The following SCN10A variants were observed in gnomAD, a reference collection of about 807,000 sequenced individuals.
SCN10A encodes sodium channel protein type 10 subunit alpha.
Under a neutral mutation model 170.7 loss-of-function variants are expected in SCN10A, and 162 were observed. That is an observed-to-expected ratio of 0.95 (90% CI 0.84 to 1.08). SCN10A has a LOEUF of 1.08. SCN10A is among the 50% of genes least tolerant of loss of function. SCN10A has a pLI of 0.00. For synonymous variants in SCN10A, 985 were observed against 904.6 expected, an observed-to-expected ratio of 1.09 and a Z score of -1.59; for missense variants, 2,527 against 2,436.9, an observed-to-expected ratio of 1.04 and a Z score of -0.78.
intron 4 of SCN10A, among the ~76,000 whole-genome samples, chr3:38,776,442 C>A (rs2064076184): frequency 6.6e-6 from 1 of 151,948 alleles, no homozygotes; most frequent in Admixed American, 6.6e-5. Context: ...ATGGCAAATG[C>A]AAGTCTGACA....
At chr3:38,804,743 A>G (rs2064395010) in intron 1 of SCN10A, among the ~76,000 whole-genome samples, 1 of 152,172 alleles carries the variant, frequency 6.6e-6, no homozygotes, top group Non-Finnish European at 1.5e-5. Flanking sequence ...CTTATGTTCA[A>G]TAACAACTTA....
intron 27 of SCN10A, among the ~76,000 whole-genome samples, chr3:38,701,614 A>G (rs1490917477): frequency 3.3e-5 from 5 of 152,344 alleles, no homozygotes; most frequent in African/African-American, 9.6e-5. Context: ...GCCTGAAAAC[A>G]CTTCGTGTGA....
At chr3:38,773,674 A>T (rs2064036809) in intron 4 of SCN10A, among the ~76,000 whole-genome samples, 3 of 152,254 alleles carry the variant, frequency 2.0e-5, no homozygotes, top group Admixed American at 1.3e-4. Flanking sequence ...AATATAGTCA[A>T]AGTACACTGC....
intron 1 of SCN10A, among the ~76,000 whole-genome samples, chr3:38,799,071 T>G (rs530797911): frequency 1.3e-5 from 2 of 152,292 alleles, no homozygotes; most frequent in South Asian, 2.1e-4. Flanking sequence ...CATGAGCCAC[T>G]GTGCCCAGCC....
chr3:38,764,831 A>G (rs1559452581), intron 5 of SCN10A, among the ~76,000 whole-genome samples: 2 of 152,224 alleles, frequency 1.3e-5, no homozygotes, highest in Non-Finnish European at 2.9e-5. Context: ...CATTCCCACC[A>G]GCAGTGTAAA....
chr3:38,721,093 C>T (rs1439408222), intron 20 of SCN10A, among the ~76,000 whole-genome samples: 2 of 152,212 alleles, frequency 1.3e-5, no homozygotes, highest in African/African-American at 4.8e-5. Flanking sequence ...TAGTTTTCCT[C>T]CCACCTCTCA....
chr3:38,793,267 T>A (rs998324947), intron 2 of SCN10A, among the ~76,000 whole-genome samples: 1 of 152,146 alleles, frequency 6.6e-6, no homozygotes, highest in Non-Finnish European at 1.5e-5. Flanking sequence ...ATCCAAGTAT[T>A]GTTATACAAT....
chr3:38,723,217 G>A (rs1467081930), intron 19 of SCN10A, among the ~76,000 whole-genome samples: 3 of 152,152 alleles, frequency 2.0e-5, no homozygotes, highest in Non-Finnish European at 4.4e-5. Context: ...ACGTCTCTCC[G>A]TAGTGTCTGA....
intron 8 of SCN10A, 33 bp from the exon 9 acceptor site, chr3:38,757,192 T>A: frequency 6.4e-7 from 1 of 1,559,114 alleles, no homozygotes. Flanking sequence ...CATCCCCTGC[T>A]TATTGCAGAC....
chr3:38,752,629 G>C (rs2063762039), intron 11 of SCN10A, 117 bp from the exon 12 acceptor site: 3 of 782,508 alleles, frequency 3.8e-6, no homozygotes, highest in Non-Finnish European at 5.7e-6. Context: ...TGACCTTTCA[G>C]TCACTAAGTA....
chr3:38,722,380 C>T lies in SCN10A; in HGVS notation c.3385G>A (p.Asp1129Asn). 1 of 1,614,050 alleles carries T rather than the reference C, an allele frequency of 6.2e-7. No homozygotes were observed. The highest frequency in any genetic ancestry group is 8.5e-7 in the Non-Finnish European group (1 of 1,179,996). The change falls in exon 20 of 28, where the codon GAT (aspartate) becomes AAT (asparagine). Residue 1129 changes from aspartate (D) to asparagine (N), a missense_variant. Coordinates refer to ENST00000449082, the MANE Select transcript of SCN10A (RefSeq NM_006514.4). The stretch of plus-strand genomic sequence containing the variant: ...ACATCCCATGGACTCTTGGTGGTAT[C>T]CAGTTTGCAGCAGGGACAGTGGCGA... ...CIRHCPCCKL[D>N]TTKSPWDVGW... is the part of the protein sequence containing the mutation.
chr3:38,706,771 A>G (rs539249630), intron 26 of SCN10A, among the ~76,000 whole-genome samples: 29 of 152,296 alleles, frequency 1.9e-4, no homozygotes, highest in African/African-American at 7.0e-4. Context: ...CTCGAGTGGG[A>G]TAACTTTTGG....
At position 38,763,565 on chromosome 3, in the gene SCN10A, T is replaced by C; in HGVS notation, c.631A>G (p.Ile211Val). ...ACTCTGAATGTCCGCAGGCCTGAGA[T>C]CCCACGGAGATCTATTGCTGTGCCA... ...YVGTAIDLRG[I>V]SGLRTFRVLR... Residue 211 changes from isoleucine (I) to valine (V), a missense_variant, in exon 6 of 28, where the codon ATC (isoleucine) becomes GTC (valine). By Grantham distance (29) the Ile-to-Val change is conservative (BLOSUM62 3). Transcript: ENST00000449082. 3.1e-6 allele frequency: 5 copies of C among 1,614,098 alleles called. No individual in the cohort carries two copies. Among genetic ancestry groups the C allele is most frequent in the Non-Finnish European group, 4.2e-6 (5 of 1,179,958 alleles).
chr3:38,767,150 G>C (rs1419261147), intron 5 of SCN10A, among the ~76,000 whole-genome samples: 1 of 151,588 alleles, frequency 6.6e-6, no homozygotes, highest in Non-Finnish European at 1.5e-5. Context: ...CTTGCCAATG[G>C]TCAATCAATT....
chr3:38,739,084 TC>T (rs1470974749), intron 15 of SCN10A, among the ~76,000 whole-genome samples: 1 of 152,150 alleles, frequency 6.6e-6, no homozygotes, highest in Non-Finnish European at 1.5e-5. Context: ...ATGGAACCAT[TC>T]TTTTTCCTCA....
At chr3:38,766,545 T>C (rs936306277) in intron 5 of SCN10A, among the ~76,000 whole-genome samples, 4 of 152,202 alleles carry the variant, frequency 2.6e-5, no homozygotes, top group Non-Finnish European at 5.9e-5. Context: ...ATTTATTGAC[T>C]TGTGTATGTT....
intron 26 of SCN10A, among the ~76,000 whole-genome samples, chr3:38,704,283 C>T (rs981087635): frequency 6.6e-6 from 1 of 152,218 alleles, no homozygotes. Flanking sequence ...TGCTGGCTCA[C>T]ATCTTTCCTG....
chr3:38,798,793 T>TTC, intron 1 of SCN10A, among the ~76,000 whole-genome samples: 1 of 144,108 alleles, frequency 6.9e-6, no homozygotes, highest in South Asian at 2.4e-4. Context: ...CTCCTTTTTT[T>TTC]TTTTTTTTTT....
intron 15 of SCN10A, among the ~76,000 whole-genome samples, chr3:38,733,633 A>T (rs1436762423): frequency 6.6e-6 from 1 of 152,102 alleles, no homozygotes; most frequent in Non-Finnish European, 1.5e-5. Context: ...CTCCCACCTC[A>T]GCCTCCCAAA....
Sources: allele counts gnomAD v4.1 joint callset (sites outside exome capture counted in the v4.1 genomes callset), GRCh38; gene constraint gnomAD v4.1.1; transcripts MANE v1.5; gene names NCBI Gene and HGNC (gene_info 2026-07-23, HGNC 2026-07-21).